MYO1F: variants seen among roughly 807,000 people sequenced by gnomAD.
The protein encoded by MYO1F is myosin IF.
In MYO1F, 60 loss-of-function variants were observed where a neutral mutation model predicts 146.6. The ratio of observed to expected loss-of-function variants is 0.41; its 90% CI spans 0.33 to 0.51. The LOEUF is 0.51. Ranked by LOEUF, MYO1F falls within the 20% of genes least tolerant of loss-of-function variation. The pLI is 0.25. For missense variants in MYO1F, 1,274 were observed against 1,534.3 expected, an observed-to-expected ratio of 0.83 and a Z score of 2.83; for synonymous variants, 602 against 602.1, an observed-to-expected ratio of 1.00 and a Z score of 0.00.
intron 14 of MYO1F, among the ~76,000 whole-genome samples, chr19:8,542,960 G>A (rs1332737769): frequency 6.6e-6 from 1 of 151,332 alleles, no homozygotes; most frequent in Non-Finnish European, 1.5e-5. Context: ...CTGGAGTGCT[G>A]TGGCACAATC....
rs749036149 is a variant in MYO1F, at chr19:8,548,006, TC to T, written c.1269+29del. 14 of 707,534 alleles carry T rather than the reference TC, an allele frequency of 2.0e-5. No individual in the cohort carries two copies. The South Asian group carries it at 2.0e-4, about 10-fold the overall frequency. 43.8% of individuals were successfully genotyped at this position (707,534 alleles called of 1,614,324 possible). A position where few individuals can be genotyped will look rare whatever the true frequency, so the allele number is the denominator to read the frequency against. On this transcript the variant is annotated intron_variant, in intron 12 of 27. Transcript: ENST00000644032. ...CTTCCACCCCACCCCCACCCCAGGA[TC>T]CCCCATCCCTGACTGCTTGGCCGCC...
chr19:8,544,470 G>A lies in MYO1F; in HGVS notation c.1357-6C>T, dbSNP rs775892609. 1 of 1,606,278 alleles carries A rather than the reference G, an allele frequency of 6.2e-7. No homozygotes were observed. The highest frequency in any genetic ancestry group is 1.1e-5 in the South Asian group (1 of 90,980). On this transcript the variant is annotated splice_region_variant and splice_polypyrimidine_tract_variant and intron_variant, in intron 13 of 27. Coordinates refer to ENST00000644032, the MANE Select transcript of MYO1F (RefSeq NM_012335.4). ...CTCATGATGCCTGGGGGGCTCTGCG[G>A]GGCGAGCGGGAGCCAGCAGCGGCTC...
In MYO1F at chr19:8,526,545, G is replaced by A. The variant is rs764655780; in HGVS notation, c.2678C>T (p.Thr893Ile). ...CAAGTCGCCGAAGCCGCGGGAGAAGGTGACGCTGCGGGTGCCGCCACCGCC... is the reference window on the plus strand; with the variant it reads ...CAAGTCGCCGAAGCCGCGGGAGAAGATGACGCTGCGGGTGCCGCCACCGCC... ...GWGGGGTRSV[T>I]FSRGFGDLAV... is the part of the protein sequence containing the mutation. The change falls in exon 24 of 28, where the codon ACC (threonine) becomes ATC (isoleucine). Residue 893 changes from threonine to isoleucine, a missense_variant. Thr to Ile is a moderately conservative substitution (Grantham distance 89). Around this residue, in one of 2 missense-constraint regions of MYO1F, gnomAD observed 374 missense variants for 379.2 expected, o/e 0.99. Coordinates refer to ENST00000644032, the MANE Select transcript of MYO1F (RefSeq NM_012335.4). The A allele has an allele frequency of 1.9e-6, 3 of 1,595,548 alleles. No individual in the cohort carries two copies. The South Asian group carries it at 3.4e-5, about 18-fold the overall frequency.
rs1485601217 is a variant in MYO1F, at chr19:8,527,595, G to A, written c.2329-112C>T. The A allele has an allele frequency of 4.4e-6, 6 of 1,348,654 alleles. No homozygotes were observed. In the East Asian group the frequency reaches 9.8e-5, roughly 22 times the overall value. 83.5% of individuals were successfully genotyped at this position (1,348,654 alleles called of 1,614,324 possible). ...GGCAGGTCAGGTGAGGAAGGTGGGA[G>A]CCCTCCAGGTGAAGGTGTATGAGTC... On this transcript the variant is annotated intron_variant, in intron 21 of 27. Coordinates refer to ENST00000644032, the MANE Select transcript of MYO1F (RefSeq NM_012335.4).
At chr19:8,556,089 C>A (rs942956914) in intron 1 of MYO1F, among the ~76,000 whole-genome samples, 7 of 151,506 alleles carry the variant, frequency 4.6e-5, no homozygotes, top group African/African-American at 1.7e-4. Flanking sequence ...GGTGCAGTGG[C>A]GTGATCTCTG....
At chr19:8,556,818 CAG>C (rs1371729663) in intron 1 of MYO1F, among the ~76,000 whole-genome samples, 2 of 141,012 alleles carry the variant, frequency 1.4e-5, no homozygotes, top group Non-Finnish European at 3.0e-5. Context: ...ACCTGGGAGA[CAG>C]AGGTTGCAGT....
intron 1 of MYO1F, among the ~76,000 whole-genome samples, chr19:8,556,908 AAAGG>A (rs1338312183): frequency 6.7e-6 from 1 of 148,504 alleles, no homozygotes; most frequent in African/African-American, 2.6e-5. Flanking sequence ...AAAAAAAAAA[AAAGG>A]AAGCCAATCT....
Position 8,531,866 on chromosome 19 carries a change from C to T in MYO1F, c.2044-1293G>A, listed in dbSNP as rs530251555. Among the ~76,000 whole-genome samples the T allele has an allele frequency of 1.7e-3, 266 of 152,168 alleles. 1 individual carries two copies. Among genetic ancestry groups the T allele is most frequent in the Non-Finnish European group, 3.2e-3 (218 of 67,998 alleles). On this transcript the variant is annotated intron_variant, in intron 19 of 27. Coordinates refer to ENST00000644032, the MANE Select transcript of MYO1F (RefSeq NM_012335.4). ...GGTGCAGTGGCTCAAGCCTGTAATCCCAGCATTTTGGGAGGCCGAGGTGGG... is the reference window on the plus strand; with the variant it reads ...GGTGCAGTGGCTCAAGCCTGTAATCTCAGCATTTTGGGAGGCCGAGGTGGG...
chr19:8,524,212 AGTTCCAGACCAGTCTG>A (rs1310980778), intron 25 of MYO1F, among the ~76,000 whole-genome samples: 2 of 150,864 alleles, frequency 1.3e-5, no homozygotes, highest in Non-Finnish European at 2.9e-5. Context: ...CGAGGTCAGG[AGTTCCAGACCAGTCTG>A]GCCAACATGG....
Position 8,526,613 on chromosome 19 carries a change from G to C in MYO1F, c.2622-12C>G, listed in dbSNP as rs1165023640. 5.0e-6 allele frequency: 8 copies of C among 1,588,188 alleles called. No individual in the cohort carries two copies. Among genetic ancestry groups the C allele is most frequent in the Admixed American group, 3.7e-5 (2 of 54,420 alleles). On this transcript the variant is annotated splice_polypyrimidine_tract_variant and intron_variant, in intron 23 of 27. Transcript: ENST00000644032. The stretch of plus-strand genomic sequence containing the variant: ...CCCGAAACTGTAGTCTATGGGGAGA[G>C]AAGAAAGCTTGGGGGCGCTGGCTGA...
At chr19:8,522,272 T>C (rs1348904097) in intron 27 of MYO1F, 105 bp downstream of exon 27, 15 of 1,444,008 alleles carry the variant, frequency 1.0e-5, no homozygotes, top group Non-Finnish European at 1.4e-5. Context: ...TCTGCCCGCC[T>C]TGGCCTCCCA....
In MYO1F at chr19:8,521,204, CT is replaced by C; in HGVS notation, c.*323del. 2.4e-6 allele frequency: 1 copy of C among 414,608 alleles called. No individual in the cohort carries two copies. Among genetic ancestry groups the C allele is most frequent in the Non-Finnish European group, 4.6e-6 (1 of 219,664 alleles). The allele number at this position is 414,608 out of a possible 1,614,324, so 25.7% of individuals were successfully genotyped here. ...CCCCCCTCCCCAACTGTGCCTGGCA[CT>C]TTGCCAACAGCACAGGACTCAAGAC... is the stretch of plus-strand genomic sequence containing the variant. On this transcript the variant is annotated 3_prime_UTR_variant, in exon 28 of 28. Coordinates refer to ENST00000644032, the MANE Select transcript of MYO1F (RefSeq NM_012335.4).
intron 10 of MYO1F, chr19:8,549,706 T>C (rs1973521355): frequency 1.1e-5 from 2 of 185,902 alleles, no homozygotes; most frequent in Admixed American, 5.6e-5. Flanking sequence ...GGTTTCACCA[T>C]GTTGGCCAGG....
intron 1 of MYO1F, among the ~76,000 whole-genome samples, chr19:8,573,145 A>G (rs2042140892): frequency 1.3e-5 from 2 of 151,968 alleles, no homozygotes; most frequent in South Asian, 4.1e-4. Flanking sequence ...CATCTCTACT[A>G]AAAAAATAGA....
At chr19:8,534,773 G>A (rs1488313817) in intron 19 of MYO1F, among the ~76,000 whole-genome samples, 4 of 151,130 alleles carry the variant, frequency 2.6e-5, no homozygotes, top group East Asian at 1.9e-4. Context: ...TTACAGGTGC[G>A]CACCACCACA....
intron 21 of MYO1F, among the ~76,000 whole-genome samples, chr19:8,528,360 C>A (rs1220033080): frequency 6.6e-6 from 1 of 151,834 alleles, no homozygotes; most frequent in Non-Finnish European, 1.5e-5. Context: ...AACCCCATCT[C>A]TACTAAAAAT....
At position 8,530,301 on chromosome 19, in the gene MYO1F, C is replaced by T. The variant is rs768758519; in HGVS notation, c.2223G>A (p.Gly741=). 1 of 1,614,144 alleles carries T rather than the reference C, an allele frequency of 6.2e-7. No homozygotes were observed. Among genetic ancestry groups the T allele is most frequent in the Non-Finnish European group, 8.5e-7 (1 of 1,180,022 alleles). ...RRNSINRNFV[G]DYLGLEERPE... is the part of the protein sequence containing the mutation. Reference sequence around the variant, plus strand: ...GCCGCTCCTCCAGCCCCAGGTAGTCCCCGACGAAGTTCCGATTGATGCTGT... The same window carrying T: ...GCCGCTCCTCCAGCCCCAGGTAGTCTCCGACGAAGTTCCGATTGATGCTGT... Residue 741 remains glycine, a synonymous_variant, in exon 21 of 28, where the codon GGG becomes GGA. Transcript: ENST00000644032. The surrounding 1 kb of genome is among the most constrained non-coding windows in gnomAD (Gnocchi z 5.8).
In MYO1F at chr19:8,536,350, C is replaced by T. The variant is rs201646155; in HGVS notation, c.1945G>A (p.Glu649Lys). The T allele has an allele frequency of 7.5e-5, 120 of 1,605,516 alleles. No homozygotes were observed. The highest frequency in any genetic ancestry group is 4.5e-4 in the South Asian group (41 of 91,040). The change falls in exon 19 of 28, where the codon GAA becomes AAA. Residue 649 changes from glutamate (E) to lysine (K), a missense_variant. Physicochemically the swap from Glu to Lys is moderately conservative, Grantham distance 56. Around this residue, in one of 2 missense-constraint regions of MYO1F, gnomAD observed 900 missense variants for 1,155.1 expected, o/e 0.78. Transcript: ENST00000644032. Reference protein sequence around the residue: ...PETWPRWRGDERQGVQHLLRA... With the variant: ...PETWPRWRGDKRQGVQHLLRA... ...AGCAGGTGCTGGACGCCCTGGCGTTCGTCCCCACGCCACCGCGGCCACGTC... is the reference window on the plus strand; with the variant it reads ...AGCAGGTGCTGGACGCCCTGGCGTTTGTCCCCACGCCACCGCGGCCACGTC...
intron 1 of MYO1F, among the ~76,000 whole-genome samples, chr19:8,574,577 T>TTCTTTCTTTCTCTCTCTC (rs1335184271): frequency 8.8e-5 from 7 of 79,782 alleles, no homozygotes; most frequent in African/African-American, 1.7e-4. Flanking sequence ...CTTTCTTTCT[T>TTCTTTCTTTCTCTCTCTC]TCTCTCTCTC....
Sources: gnomAD v4.1 joint callset for allele counts (sites outside exome capture counted in the v4.1 genomes callset) on GRCh38, gnomAD v4.1.1 for gene constraint, gnomAD v4.1.1 regional missense constraint, Gnocchi (gnomAD v3.1) non-coding constraint, MANE v1.5 for transcripts, NCBI Gene and HGNC (gene_info 2026-07-23, HGNC 2026-07-21) for gene names.